Variants in ATP2B4 observed in about 807,000 individuals in gnomAD.
The protein encoded by ATP2B4 is ATPase plasma membrane Ca2+ transporting 4, also known as plasma membrane calcium-transporting ATPase 4.
Under a neutral mutation model 110.3 loss-of-function variants are expected in ATP2B4, and 39 were observed. The observed-to-expected ratio is 0.35, with a 90% CI of 0.27 to 0.46. The LOEUF (loss-of-function observed/expected upper bound fraction) is 0.46, where lower values mean the gene tolerates loss of function less well. ATP2B4 is among the 20% of genes least tolerant of loss of function. The pLI is 1.00. For missense variants in ATP2B4, 1,135 were observed against 1,530.9 expected, an observed-to-expected ratio of 0.74 and a Z score of 4.32; for synonymous variants, 538 against 571.7, an observed-to-expected ratio of 0.94 and a Z score of 0.84.
intron 2 of ATP2B4, among the ~76,000 whole-genome samples, chr1:203,690,555 TG>T (rs995376009): frequency 4.6e-5 from 7 of 152,156 alleles, no homozygotes; most frequent in African/African-American, 1.7e-4. Context: ...GAGAGGAAGA[TG>T]GGCAACTGGG....
chr1:203,657,269 G>T, intron 1 of ATP2B4: 1 of 716,640 alleles, frequency 1.4e-6, no homozygotes, highest in Non-Finnish European at 2.5e-6. Context: ...TTCTTGTAAA[G>T]CCATCTCCGA....
intron 8 of ATP2B4, among the ~76,000 whole-genome samples, chr1:203,705,466 T>C (rs1665823614): frequency 6.6e-6 from 1 of 152,246 alleles, no homozygotes; most frequent in Non-Finnish European, 1.5e-5. Context: ...TGATGCAATC[T>C]TGGCTCACTG....
chr1:203,646,163 C>T (rs1663793347), intron 1 of ATP2B4, among the ~76,000 whole-genome samples: 1 of 152,238 alleles, frequency 6.6e-6, no homozygotes, highest in East Asian at 1.9e-4. Flanking sequence ...GCTAAAACTG[C>T]ATGACCTCAT....
intron 7 of ATP2B4, 83 bp downstream of exon 7, chr1:203,702,162 T>G: frequency 6.5e-7 from 1 of 1,531,490 alleles, no homozygotes; most frequent in Middle Eastern, 1.7e-4. Context: ...CTTCTCCCTT[T>G]TCCTCTCCAT....
chr1:203,679,165 T>C (rs1249917879), intron 1 of ATP2B4, among the ~76,000 whole-genome samples: 4 of 152,046 alleles, frequency 2.6e-5, no homozygotes, highest in Non-Finnish European at 5.9e-5. Context: ...AGGTAGTACC[T>C]TTCAGGTGTC....
chr1:203,706,767 C>T (rs1665860821), intron 8 of ATP2B4, among the ~76,000 whole-genome samples: 1 of 152,092 alleles, frequency 6.6e-6, no homozygotes, highest in South Asian at 2.1e-4. Flanking sequence ...TGTCCAAAGC[C>T]ACAAGTCAAG....
intron 15 of ATP2B4, among the ~76,000 whole-genome samples, chr1:203,719,722 A>G (rs1268646979): frequency 1.4e-5 from 1 of 71,564 alleles, no homozygotes; most frequent in Non-Finnish European, 2.6e-5. Context: ...CTCAAAAACT[A>G]TAAATAAATA....
chr1:203,648,293 T>A (rs7540200), intron 1 of ATP2B4, among the ~76,000 whole-genome samples: 141,199 of 150,536 alleles, frequency 0.94, 66,521 homozygotes, highest in East Asian at 1. Flanking sequence ...GTGTTTTTTT[T>A]AAAAAAAAAA....
chr1:203,715,893 T>C (rs78068265), intron 15 of ATP2B4, among the ~76,000 whole-genome samples: 6,991 of 144,656 alleles, frequency 0.048, 1,151 homozygotes, highest in African/African-American at 0.16. Context: ...ACTAGCTGTA[T>C]AGTAGGTTTC....
At chr1:203,631,918 G>A (rs142808754) in intron 1 of ATP2B4, among the ~76,000 whole-genome samples, 449 of 152,024 alleles carry the variant, frequency 3.0e-3, no homozygotes, top group South Asian at 0.024. Context: ...TCTCAGCCTC[G>A]TGAGTAGCTG....
At position 203,629,448 on chromosome 1, in the gene ATP2B4, T is replaced by A. The variant is rs1663192511; in HGVS notation, c.-465+2229T>A. Among the ~76,000 whole-genome samples the A allele has an allele frequency of 1.3e-5, 2 of 152,164 alleles. No individual in the cohort carries two copies. The highest frequency in any genetic ancestry group is 4.8e-5 in the African/African-American group (2 of 41,452). The stretch of plus-strand genomic sequence containing the variant: ...TTTCAGTAATCTGATTAGGGGTCGA[T>A]GTTGGTGGGCTCGGGGACGGCTTCT... On this transcript the variant is annotated intron_variant, in intron 1 of 20. Transcript: ENST00000357681. The surrounding 1 kb of genome is among the most constrained non-coding windows in gnomAD (Gnocchi z 4.6).
At chr1:203,641,466 A>AC (rs931451881) in intron 1 of ATP2B4, among the ~76,000 whole-genome samples, 3 of 152,190 alleles carry the variant, frequency 2.0e-5, no homozygotes, top group African/African-American at 7.2e-5. Flanking sequence ...ATTCTTCACC[A>AC]CACCAGACTC....
chr1:203,663,058 G>T (rs1558021841), intron 1 of ATP2B4, among the ~76,000 whole-genome samples: 1 of 152,166 alleles, frequency 6.6e-6, no homozygotes, highest in African/African-American at 2.4e-5. Flanking sequence ...CAATGCTGAA[G>T]GCCTTTAAAG....
At chr1:203,697,903 C>G (rs1019252887) in intron 2 of ATP2B4, among the ~76,000 whole-genome samples, 4 of 152,020 alleles carry the variant, frequency 2.6e-5, no homozygotes, top group Admixed American at 6.6e-5. Context: ...CAAGGTTTCA[C>G]CATGTTGCCC....
intron 15 of ATP2B4, among the ~76,000 whole-genome samples, chr1:203,714,570 A>C (rs570146635): frequency 1.3e-5 from 2 of 152,292 alleles, no homozygotes; most frequent in East Asian, 3.9e-4. Context: ...AAACTCTAGA[A>C]GATTTGTGTT....
rs1663198657 is a variant in ATP2B4, at chr1:203,629,575, G to A, written c.-465+2356G>A. ...GTCTCAGCCCTTCCCCCGGGGCTCG[G>A]GGCAGGATTGACTGCGCAACCCTGC... is the stretch of plus-strand genomic sequence containing the variant. On this transcript the variant is annotated intron_variant, in intron 1 of 20. Transcript: ENST00000357681. The surrounding 1 kb of genome is among the most constrained non-coding windows in gnomAD (Gnocchi z 4.6). 6.6e-6 allele frequency among the ~76,000 whole-genome samples: 1 copy of A among 152,112 alleles called. No individual in the cohort carries two copies. Among genetic ancestry groups the A allele is most frequent in the Admixed American group, 6.5e-5 (1 of 15,276 alleles).
rs554418174 is a variant in ATP2B4 at position 203,702,888 on chromosome 1, A to T, written c.938-764A>T. On this transcript the variant is annotated intron_variant, in intron 7 of 20. Transcript: ENST00000357681. ...TCATCACATTGGAAAACCAGAGCTA[A>T]ACAGAAATAATTCTTTAATTTTAGG... 1.6e-3 allele frequency among the ~76,000 whole-genome samples: 246 copies of T among 152,368 alleles called. 3 individuals carry two copies. Among genetic ancestry groups the T allele is most frequent in the African/African-American group, 5.8e-3 (240 of 41,586 alleles).
chr1:203,668,182 TGGAACAG>T (rs1664563252), intron 1 of ATP2B4, among the ~76,000 whole-genome samples: 2 of 152,058 alleles, frequency 1.3e-5, no homozygotes, highest in Admixed American at 6.6e-5. Context: ...GGAACGGAGG[TGGAACAG>T]TGGAGCCATC....
intron 2 of ATP2B4, among the ~76,000 whole-genome samples, chr1:203,694,056 A>G (rs373746123): frequency 1.3e-4 from 20 of 152,282 alleles, no homozygotes; most frequent in African/African-American, 3.8e-4. Flanking sequence ...GTTTGCTTCT[A>G]TGTCAAATTG....
Sources: gnomAD v4.1 joint callset for allele counts (sites outside exome capture counted in the v4.1 genomes callset) on GRCh38, gnomAD v4.1.1 for gene constraint, Gnocchi (gnomAD v3.1) non-coding constraint, MANE v1.5 for transcripts, NCBI Gene and HGNC (gene_info 2026-07-23, HGNC 2026-07-21) for gene names.